The following SLC71A1 variants were observed in gnomAD, a reference collection of about 807,000 sequenced individuals.
SLC71A1 encodes the protein solute carrier family 71 member 1, also known as hippocampus abundant gene transcript 1.
the SLC71A1 span, among the ~76,000 whole-genome samples, chr1:100,045,846 A>T: frequency 9.9e-5 from 15 of 151,238 alleles, no homozygotes; most frequent in Admixed American, 4.0e-4. Flanking sequence ...ATCTGTTCAG[A>T]CTAATGTCCT....
the SLC71A1 span, chr1:100,050,085 C>A: frequency 1.3e-6 from 1 of 751,188 alleles, no homozygotes; most frequent in Non-Finnish European, 2.3e-6. Flanking sequence ...GGGCCTTTTC[C>A]CTTTGCACGG....
the SLC71A1 span, among the ~76,000 whole-genome samples, chr1:100,043,401 C>G: frequency 1.3e-5 from 2 of 152,042 alleles, no homozygotes; most frequent in Admixed American, 1.3e-4. Flanking sequence ...ATTTCCAGTA[C>G]TTTATAACAA....
At chr1:100,055,874 TC>T in the SLC71A1 span, among the ~76,000 whole-genome samples, 1 of 152,154 alleles carries the variant, frequency 6.6e-6, no homozygotes, top group Non-Finnish European at 1.5e-5. Context: ...TGCCTCAGCC[TC>T]CCAAGTAGCT....
the SLC71A1 span, among the ~76,000 whole-genome samples, chr1:100,072,823 G>C: frequency 1.3e-5 from 2 of 152,056 alleles, no homozygotes; most frequent in Non-Finnish European, 2.9e-5. Context: ...CTTGCACTAA[G>C]TAAGTGTTTA....
At chr1:100,062,102 T>G in the SLC71A1 span, 10 of 546,054 alleles carry the variant, frequency 1.8e-5, no homozygotes, top group Non-Finnish European at 3.2e-5. Flanking sequence ...ACATTTAAAA[T>G]TTTTTTGCGG....
At chr1:100,071,239 C>G in the SLC71A1 span, among the ~76,000 whole-genome samples, 1 of 145,438 alleles carries the variant, frequency 6.9e-6, no homozygotes, top group Non-Finnish European at 1.5e-5. Context: ...ACCGCTTGAG[C>G]CCAGGAGTTC....
chr1:100,079,659 T>A, the SLC71A1 span: 1 of 152,276 alleles, frequency 6.6e-6, no homozygotes. Context: ...GGCTGGTGGA[T>A]CACCTAAGGT....
the SLC71A1 span, among the ~76,000 whole-genome samples, chr1:100,075,597 T>A: frequency 6.6e-6 from 1 of 152,194 alleles, no homozygotes; most frequent in African/African-American, 2.4e-5. Flanking sequence ...ATAAAATCAT[T>A]TTTAATTATT....
the SLC71A1 span, among the ~76,000 whole-genome samples, chr1:100,045,807 T>G: frequency 7.7e-5 from 11 of 143,002 alleles, no homozygotes; most frequent in Admixed American, 2.2e-4. Context: ...GGGGAGACTC[T>G]GTCTCAAAAT....
chr1:100,081,152 A>G, the SLC71A1 span, among the ~76,000 whole-genome samples: 1 of 152,198 alleles, frequency 6.6e-6, no homozygotes, highest in Admixed American at 6.5e-5. Context: ...CACTAAGACT[A>G]CTTTTAAATA....
the SLC71A1 span, chr1:100,068,455 G>A: frequency 2.9e-5 from 43 of 1,500,108 alleles, no homozygotes; most frequent in East Asian, 6.8e-4. Context: ...ATATCAATCA[G>A]TCTTTTTCTT....
At chr1:100,043,033 G>T in the SLC71A1 span, 4 of 957,334 alleles carry the variant, frequency 4.2e-6, no homozygotes, top group Non-Finnish European at 5.0e-6. Flanking sequence ...GTTTAGATTG[G>T]TGTGTTTGGG....
the SLC71A1 span, chr1:100,068,625 T>C: frequency 9.3e-7 from 1 of 1,076,958 alleles, no homozygotes; most frequent in South Asian, 1.3e-5. Context: ...TTTCTTTCAT[T>C]GTCTAGTGCT....
the SLC71A1 span, chr1:100,061,901 C>A: frequency 6.2e-7 from 1 of 1,613,188 alleles, no homozygotes; most frequent in Non-Finnish European, 8.5e-7. Context: ...TATTTGCATA[C>A]GTAGCAGATA....
the SLC71A1 span, among the ~76,000 whole-genome samples, chr1:100,081,305 T>C: frequency 2.6e-5 from 4 of 152,230 alleles, no homozygotes; most frequent in African/African-American, 9.6e-5. Flanking sequence ...TATAATTACC[T>C]TCTTGAAACA....
the SLC71A1 span, chr1:100,061,707 C>T: frequency 3.2e-5 from 21 of 656,052 alleles, no homozygotes; most frequent in Non-Finnish European, 5.4e-5. Flanking sequence ...AATAGTTAAT[C>T]CATGAACTAT....
the SLC71A1 span, among the ~76,000 whole-genome samples, chr1:100,066,121 A>G: frequency 6.6e-6 from 1 of 152,210 alleles, no homozygotes; most frequent in Non-Finnish European, 1.5e-5. Flanking sequence ...AGGCTTAAAA[A>G]AATAGACTTC....
the SLC71A1 span, among the ~76,000 whole-genome samples, chr1:100,073,151 C>T: frequency 6.6e-6 from 1 of 152,174 alleles, no homozygotes; most frequent in East Asian, 1.9e-4. Context: ...TACTTCCTAT[C>T]ACCTCTCTCT....
the SLC71A1 span, among the ~76,000 whole-genome samples, chr1:100,073,705 C>T: frequency 4.6e-5 from 7 of 152,156 alleles, no homozygotes; most frequent in African/African-American, 1.2e-4. Flanking sequence ...CTCACCCATG[C>T]GTCTTCAGGC....
Sources: allele counts gnomAD v4.1 joint callset (sites outside exome capture counted in the v4.1 genomes callset), GRCh38; gene constraint gnomAD v4.1.1; transcripts MANE v1.5; gene names NCBI Gene and HGNC (gene_info 2026-07-23, HGNC 2026-07-21).